Variants in SBF2 observed in about 807,000 individuals in gnomAD.
The protein encoded by SBF2 is SET binding factor 2.
A neutral mutation model predicts 225.2 loss-of-function variants in SBF2; 112 were observed. The ratio of observed to expected loss-of-function variants is 0.50; its 90% confidence interval spans 0.43 to 0.58. The LOEUF (loss-of-function observed/expected upper bound fraction) is 0.58, where lower values mean the gene tolerates loss of function less well. SBF2 is among the 20% of genes least tolerant of loss of function. The pLI, the probability that SBF2 is intolerant of heterozygous loss-of-function variation, is 0.00. For synonymous variants in SBF2, 763 were observed against 773.3 expected, an observed-to-expected ratio of 0.99 and a Z score of 0.22; for missense variants, 1,996 against 2,206.2, an observed-to-expected ratio of 0.90 and a Z score of 1.91.
chr11:9,899,175 T>A (rs1246384309), intron 16 of SBF2, among the ~76,000 whole-genome samples: 1 of 151,800 alleles, frequency 6.6e-6, no homozygotes, highest in African/African-American at 2.4e-5. Context: ...CTATAAATCT[T>A]CAAGGTTGGA....
chr11:9,926,154 C>T (rs1864026751), intron 16 of SBF2, among the ~76,000 whole-genome samples: 1 of 152,118 alleles, frequency 6.6e-6, no homozygotes, highest in African/African-American at 2.4e-5. Context: ...GTTTTAGTCT[C>T]CTTGTTTTTT....
intron 2 of SBF2, among the ~76,000 whole-genome samples, chr11:10,094,812 A>C (rs1236041277): frequency 6.6e-6 from 1 of 151,866 alleles, no homozygotes; most frequent in East Asian, 1.9e-4. Flanking sequence ...GCCCAAATAC[A>C]TACAGATTAT....
intron 6 of SBF2, among the ~76,000 whole-genome samples, chr11:10,027,591 G>A (rs1949096905): frequency 6.6e-6 from 1 of 152,266 alleles, no homozygotes; most frequent in South Asian, 2.1e-4. Context: ...AAACACAGAT[G>A]GAGAGCAATG....
chr11:9,784,704 G>A (rs1852257421), intron 37 of SBF2, among the ~76,000 whole-genome samples: 1 of 152,206 alleles, frequency 6.6e-6, no homozygotes, highest in African/African-American at 2.4e-5. Flanking sequence ...CAGAGAGAGG[G>A]CAAAGCAGAG....
At chr11:9,909,266 A>G (rs7111257) in intron 16 of SBF2, among the ~76,000 whole-genome samples, 115,970 of 151,842 alleles carry the variant, frequency 0.76, 44,676 homozygotes, top group African/African-American at 0.82. Context: ...TTATTTTGGA[A>G]GGTTTTTGTT....
At chr11:10,228,458 T>C (rs1259329827) in intron 1 of SBF2, among the ~76,000 whole-genome samples, 4 of 152,194 alleles carry the variant, frequency 2.6e-5, no homozygotes, top group Admixed American at 6.5e-5. Flanking sequence ...GGCTGTAGGT[T>C]TGTCATAGAT....
In SBF2 at chr11:10,063,830, AACAC is replaced by A. The variant is rs140036479; in HGVS notation, c.142-20853_142-20850del. On this transcript the variant is annotated intron_variant, in intron 2 of 39. Coordinates refer to ENST00000256190, the MANE Select transcript of SBF2 (RefSeq NM_030962.4). Reference sequence around the variant, plus strand: ...CACCAATAAAAATTATCTAAAATAAAACACACACACACACACACACACACACACA... The same window carrying A: ...CACCAATAAAAATTATCTAAAATAAAACACACACACACACACACACACACA... Among the ~76,000 whole-genome samples the A allele has an allele frequency of 9.2e-3, 1,287 of 140,104 alleles. 8 individuals carry two copies. Among genetic ancestry groups the A allele is most frequent in the African/African-American group, 0.023 (889 of 38,240 alleles). 91.9% of individuals were successfully genotyped at this position (140,104 alleles called of 152,430 possible). A position where few individuals can be genotyped will look rare whatever the true frequency, so the allele number is the denominator to read the frequency against.
chr11:9,814,103 G>A (rs1362638311), intron 29 of SBF2, among the ~76,000 whole-genome samples: 1 of 152,114 alleles, frequency 6.6e-6, no homozygotes, highest in Non-Finnish European at 1.5e-5. Flanking sequence ...TGGTATGAGT[G>A]TTGCATTTGC....
intron 10 of SBF2, 151 bp downstream of exon 10, chr11:9,993,770 C>G (rs894906095): frequency 5.3e-6 from 4 of 753,924 alleles, no homozygotes; most frequent in East Asian, 2.8e-5. Context: ...GACATAAGGA[C>G]AGTCAGCGGC....
At position 9,967,971 on chromosome 11, in the gene SBF2, C is replaced by CTCTCTCTCTCTCTATATATATATATA. The variant is rs1260685462; in HGVS notation, c.1600+369_1600+370insTATATATATATATAGAGAGAGAGAGA. On this transcript the variant is annotated intron_variant, in intron 14 of 39. Transcript: ENST00000256190. ...TGTCTCTCTCTCTCTCTCTCTCTCTCTATATATATATATATATATAAAATA... is the reference window on the plus strand; with the variant it reads ...TGTCTCTCTCTCTCTCTCTCTCTCTCTCTCTCTCTCTCTATATATATATATATATATATATATATATATATAAAATA... 1.3e-4 allele frequency among the ~76,000 whole-genome samples: 12 copies of CTCTCTCTCTCTCTATATATATATATA among 91,502 alleles called. 1 individual carries two copies. Among genetic ancestry groups the CTCTCTCTCTCTCTATATATATATATA allele is most frequent in the African/African-American group, 2.6e-4 (7 of 26,478 alleles). 60.0% of individuals were successfully genotyped at this position (91,502 alleles called of 152,430 possible).
intron 17 of SBF2, among the ~76,000 whole-genome samples, chr11:9,892,031 C>T (rs901343087): frequency 6.6e-6 from 1 of 152,082 alleles, no homozygotes; most frequent in Non-Finnish European, 1.5e-5. Flanking sequence ...GAGAGGATGA[C>T]CAAGATGTAC....
chr11:10,251,998 G>C (rs1330289305), intron 1 of SBF2, among the ~76,000 whole-genome samples: 1 of 152,202 alleles, frequency 6.6e-6, no homozygotes, highest in Admixed American at 6.5e-5. Flanking sequence ...GCCCCAACAG[G>C]CCAAACCAAA....
chr11:10,293,907 G>C, intron 1 of SBF2, 108 bp downstream of exon 1: 2 of 722,594 alleles, frequency 2.8e-6, no homozygotes, highest in Non-Finnish European at 1.9e-6. Flanking sequence ...TCCGAGACTC[G>C]GCCTGGCCCT....
At chr11:9,992,849 T>C (rs944291200) in intron 11 of SBF2, 141 bp downstream of exon 11, 2 of 643,396 alleles carry the variant, frequency 3.1e-6, no homozygotes, top group African/African-American at 3.7e-5. Flanking sequence ...TATTAAGAAC[T>C]GATATCTAAC....
At chr11:10,187,611 TA>T in intron 2 of SBF2, among the ~76,000 whole-genome samples, 1 of 152,076 alleles carries the variant, frequency 6.6e-6, no homozygotes, top group Admixed American at 6.5e-5. Context: ...TTTTTTTTTT[TA>T]ATCAGACATC....
At chr11:9,950,595 T>G (rs1172595698) in intron 16 of SBF2, among the ~76,000 whole-genome samples, 1 of 152,228 alleles carries the variant, frequency 6.6e-6, no homozygotes. Flanking sequence ...ATGACACTCC[T>G]GTCCACTGGC....
At chr11:10,227,068 A>C (rs1181578189) in intron 1 of SBF2, among the ~76,000 whole-genome samples, 1 of 152,164 alleles carries the variant, frequency 6.6e-6, no homozygotes, top group African/African-American at 2.4e-5. Flanking sequence ...CATTTCTCTG[A>C]TGGCCAGTGA....
intron 2 of SBF2, among the ~76,000 whole-genome samples, chr11:10,113,791 T>C (rs527255753): frequency 6.9e-6 from 1 of 144,344 alleles, no homozygotes; most frequent in Non-Finnish European, 1.5e-5. Flanking sequence ...TTCTCTTACA[T>C]GCAGTTTAAA....
chr11:9,834,293 T>C (rs910258782), intron 26 of SBF2, among the ~76,000 whole-genome samples: 2 of 151,756 alleles, frequency 1.3e-5, no homozygotes, highest in Non-Finnish European at 2.9e-5. Flanking sequence ...GGTTTCTCCA[T>C]GTTGGTCAGG....
Sources: allele counts gnomAD v4.1 joint callset (sites outside exome capture counted in the v4.1 genomes callset), GRCh38; gene constraint gnomAD v4.1.1; transcripts MANE v1.5; gene names NCBI Gene and HGNC (gene_info 2026-07-23, HGNC 2026-07-21).